PIGU: variants seen among roughly 807,000 people sequenced by gnomAD.
The protein encoded by PIGU is GPI-anchor transamidase component PIGU.
A neutral mutation model predicts 49.9 loss-of-function variants in PIGU; 24 were observed. The observed-to-expected ratio is 0.48, with a 90% CI of 0.35 to 0.68. The LOEUF (loss-of-function observed/expected upper bound fraction) is 0.68. PIGU is among the 30% of genes least tolerant of loss of function. PIGU has a pLI of 0.01. For missense variants in PIGU, 490 were observed against 532.6 expected (o/e 0.92, Z 0.79); for synonymous variants, 220 against 205.7 (o/e 1.07, Z -0.59).
intron 1 of PIGU, among the ~76,000 whole-genome samples, chr20:34,675,860 A>G (rs1048849174): frequency 6.6e-6 from 1 of 152,118 alleles, no homozygotes; most frequent in African/African-American, 2.4e-5. Context: ...AAAAACAAAA[A>G]CAAAAACAAA....
intron 1 of PIGU, among the ~76,000 whole-genome samples, chr20:34,673,400 T>C (rs1457254938): frequency 1.3e-5 from 2 of 152,170 alleles, no homozygotes; most frequent in Non-Finnish European, 2.9e-5. Flanking sequence ...AGAAAAGTAA[T>C]GCTTACAGAT....
intron 6 of PIGU, among the ~76,000 whole-genome samples, chr20:34,620,759 C>T (rs920364173): frequency 6.2e-5 from 9 of 144,006 alleles, no homozygotes; most frequent in Non-Finnish European, 1.3e-4. Flanking sequence ...TGCAGTGAGC[C>T]GAGATCGCGC....
chr20:34,618,249 G>GA (rs1490028059), intron 6 of PIGU, among the ~76,000 whole-genome samples: 2 of 151,998 alleles, frequency 1.3e-5, no homozygotes, highest in Non-Finnish European at 2.9e-5. Context: ...TTTGTCATTA[G>GA]AAAAAAGCTA....
At chr20:34,650,605 C>G in intron 2 of PIGU, among the ~76,000 whole-genome samples, 1 of 150,308 alleles carries the variant, frequency 6.7e-6, no homozygotes, top group Admixed American at 6.6e-5. Context: ...AGTTTGATAA[C>G]TTCAATATCT....
intron 11 of PIGU, among the ~76,000 whole-genome samples, chr20:34,564,361 A>C (rs1358473417): frequency 2.0e-5 from 3 of 152,242 alleles, no homozygotes; most frequent in Admixed American, 2.0e-4. Context: ...TAAAATAAAA[A>C]GTTTATTTAA....
intron 6 of PIGU, among the ~76,000 whole-genome samples, chr20:34,629,011 T>C (rs1272509151): frequency 7.1e-6 from 1 of 141,596 alleles, no homozygotes; most frequent in Admixed American, 7.9e-5. Flanking sequence ...GGCTCAGCCA[T>C]GTGTAACTTT....
rs1986874772 is a variant in PIGU, at chr20:34,659,844, T to C, written c.131-2600A>G. Reference sequence around the variant, plus strand: ...AAGATGTGCTTTGTTAAACAGATGCTTGAAGGCAGCATGCTTGTTAAGAGT... The same window carrying C: ...AAGATGTGCTTTGTTAAACAGATGCCTGAAGGCAGCATGCTTGTTAAGAGT... On this transcript the variant is annotated intron_variant, in intron 1 of 11. Coordinates refer to ENST00000217446, the MANE Select transcript of PIGU (RefSeq NM_080476.5). 2.0e-5 allele frequency among the ~76,000 whole-genome samples: 3 copies of C among 152,124 alleles called. No homozygotes were observed. The South Asian group carries it at 6.2e-4, about 32-fold the overall frequency.
chr20:34,562,420 G>A lies in PIGU; in HGVS notation c.1195-1441C>T, dbSNP rs2146686524. 6 of 1,287,132 alleles carry A rather than the reference G, an allele frequency of 4.7e-6. No individual in the cohort carries two copies. The South Asian group carries it at 6.2e-5, about 13-fold the overall frequency. The allele number at this position is 1,287,132 out of a possible 1,614,324, so 79.7% of individuals were successfully genotyped here. A position where few individuals can be genotyped will look rare whatever the true frequency, so the allele number is the denominator to read the frequency against. ...TCTAGACCTCCAGACCCTGTCCTGGGCAGCTTCTCACTGACCTGAAGGTAA... is the reference window on the plus strand; with the variant it reads ...TCTAGACCTCCAGACCCTGTCCTGGACAGCTTCTCACTGACCTGAAGGTAA... On this transcript the variant is annotated intron_variant, in intron 11 of 11. Transcript: ENST00000217446.
At chr20:34,570,052 C>T (rs1286466934) in intron 11 of PIGU, among the ~76,000 whole-genome samples, 1 of 152,070 alleles carries the variant, frequency 6.6e-6, no homozygotes, top group Non-Finnish European at 1.5e-5. Flanking sequence ...GGAGTAAATT[C>T]CTTATAACTA....
chr20:34,643,760 G>A (rs1986240206), intron 4 of PIGU: 1 of 145,490 alleles, frequency 6.9e-6, no homozygotes, highest in Non-Finnish European at 1.5e-5. Context: ...ACCTCAGATA[G>A]GCATAACAGT....
intron 7 of PIGU, among the ~76,000 whole-genome samples, chr20:34,605,334 G>A (rs1984573790): frequency 6.6e-6 from 1 of 152,134 alleles, no homozygotes; most frequent in Non-Finnish European, 1.5e-5. Context: ...TTTCACCTCT[G>A]GCACTGATCA....
intron 6 of PIGU, among the ~76,000 whole-genome samples, chr20:34,626,658 A>G (rs1485267871): frequency 6.6e-6 from 1 of 152,190 alleles, no homozygotes; most frequent in East Asian, 1.9e-4. Flanking sequence ...TTATCAGCCA[A>G]CTTCCATGTG....
chr20:34,651,771 G>A (rs1986547099), intron 2 of PIGU, among the ~76,000 whole-genome samples: 8 of 151,714 alleles, frequency 5.3e-5, no homozygotes, highest in Admixed American at 4.6e-4. Context: ...AGTTAGCATG[G>A]TAGCAAGAAC....
intron 8 of PIGU, among the ~76,000 whole-genome samples, chr20:34,587,698 T>C (rs115197547): frequency 0.014 from 2,175 of 152,342 alleles, 58 homozygotes; most frequent in African/African-American, 0.05. Context: ...TCTGCTTCTA[T>C]GAGCGTAATT....
intron 1 of PIGU, among the ~76,000 whole-genome samples, chr20:34,674,873 A>G (rs1447537866): frequency 6.7e-6 from 1 of 150,296 alleles, no homozygotes; most frequent in Non-Finnish European, 1.5e-5. Flanking sequence ...CCTGAGCCCG[A>G]GAGGTCAAGG....
chr20:34,657,252 A>G lies in PIGU; in HGVS notation c.131-8T>C. The G allele has an allele frequency of 1.2e-6, 2 of 1,608,334 alleles. No homozygotes were observed. Among genetic ancestry groups the G allele is most frequent in the South Asian group, 2.2e-5 (2 of 90,898 alleles). On this transcript the variant is annotated splice_region_variant and splice_polypyrimidine_tract_variant and intron_variant, in intron 1 of 11. Transcript: ENST00000217446. ...GTGAAAGGCCTTCAACCACTGAAAA[A>G]TTAGATATACAAGTTCACTCAGACT...
chr20:34,568,317 A>C (rs1982863965), intron 11 of PIGU, among the ~76,000 whole-genome samples: 1 of 152,222 alleles, frequency 6.6e-6, no homozygotes, highest in Non-Finnish European at 1.5e-5. Flanking sequence ...TGGGATGCTC[A>C]GTGCTGGAAG....
intron 7 of PIGU, among the ~76,000 whole-genome samples, chr20:34,600,928 G>A (rs1984392147): frequency 6.6e-6 from 1 of 152,096 alleles, no homozygotes; most frequent in South Asian, 2.1e-4. Flanking sequence ...CAGCTATTCG[G>A]GAGGCTAAGG....
intron 6 of PIGU, among the ~76,000 whole-genome samples, chr20:34,621,258 AAT>A (rs1262085218): frequency 6.6e-6 from 1 of 152,172 alleles, no homozygotes; most frequent in East Asian, 1.9e-4. Flanking sequence ...CCTTTTTAAA[AAT>A]ATGAGAATAT....
Sources: allele counts gnomAD v4.1 joint callset (sites outside exome capture counted in the v4.1 genomes callset), GRCh38; gene constraint gnomAD v4.1.1; transcripts MANE v1.5; gene names NCBI Gene and HGNC (gene_info 2026-07-23, HGNC 2026-07-21).